TECTA: variants seen among roughly 807,000 people sequenced by gnomAD.
TECTA encodes the protein tectorin alpha.
TECTA carries 128 observed loss-of-function variants against 216.8 expected under a neutral mutation model. That is an observed-to-expected ratio of 0.59 (90% CI 0.51 to 0.68). TECTA has a LOEUF of 0.68. TECTA is among the 30% of genes least tolerant of loss of function. The probability of loss-of-function intolerance (pLI) is 0.00; values close to 1 mark genes in which losing one functional copy is unlikely to be tolerated. For synonymous variants in TECTA, 1,089 were observed against 1,117.1 expected (o/e 0.97, Z 0.50); for missense variants, 2,551 against 2,786.2 (o/e 0.92, Z 1.90).
Position 121,168,937 on chromosome 11 carries a change from C to T in TECTA, c.5999+12C>T. The T allele has an allele frequency of 6.2e-7, 1 of 1,614,028 alleles. No individual in the cohort carries two copies. The highest frequency in any genetic ancestry group is 8.5e-7 in the Non-Finnish European group (1 of 1,179,966). On this transcript the variant is annotated intron_variant, in intron 20 of 23. Transcript: ENST00000392793. The stretch of plus-strand genomic sequence containing the variant: ...ATCATTGAAGGAGGGTGAGTAGCCT[C>T]TTTATAGACAACATTCTCAGAGCTT...
intron 8 of TECTA, among the ~76,000 whole-genome samples, chr11:121,126,170 T>C (rs1946610483): frequency 6.6e-6 from 1 of 152,132 alleles, no homozygotes; most frequent in Non-Finnish European, 1.5e-5. Context: ...AGGAGGTGGG[T>C]TGTCCAGAGG....
At chr11:121,166,875 C>A in intron 18 of TECTA, 95 bp downstream of exon 18, 1 of 1,429,334 alleles carries the variant, frequency 7.0e-7, no homozygotes, top group East Asian at 2.3e-5. Context: ...TCAGGGTGAT[C>A]TGCTTAGAAA....
rs145476930 is a variant in TECTA, at chr11:121,133,684, C to T, written c.2941+3473C>T. 5.0e-3 allele frequency among the ~76,000 whole-genome samples: 755 copies of T among 152,334 alleles called. 6 individuals are homozygous for T. The highest frequency in any genetic ancestry group is 0.024 in the Middle Eastern group (7 of 294). On this transcript the variant is annotated intron_variant, in intron 10 of 23. Coordinates refer to ENST00000392793, the MANE Select transcript of TECTA (RefSeq NM_005422.4). ...GATGTTCCATCCTGAGGATCTTCAG[C>T]TGTGCATCTCCACTCAGCCTCCCGG... is the stretch of plus-strand genomic sequence containing the variant.
intron 20 of TECTA, among the ~76,000 whole-genome samples, chr11:121,169,684 AAC>A (rs1947091978): frequency 6.6e-6 from 1 of 152,168 alleles, no homozygotes; most frequent in South Asian, 2.1e-4. Flanking sequence ...CTAATTTTAG[AAC>A]ATTTTTGTCA....
intron 10 of TECTA, among the ~76,000 whole-genome samples, chr11:121,134,396 A>C (rs755430957): frequency 6.5e-4 from 97 of 149,818 alleles, no homozygotes; most frequent in Non-Finnish European, 1.1e-3. Context: ...GGGAAATCCA[A>C]GGAGCATGTG....
At chr11:121,108,753 A>G (rs1946415104) in intron 3 of TECTA, among the ~76,000 whole-genome samples, 1 of 147,506 alleles carries the variant, frequency 6.8e-6, no homozygotes, top group African/African-American at 2.5e-5. Flanking sequence ...ACCTCACCCC[A>G]GTACACACAC....
intron 11 of TECTA, among the ~76,000 whole-genome samples, chr11:121,139,959 A>G (rs968843857): frequency 6.6e-6 from 1 of 152,192 alleles, no homozygotes; most frequent in Non-Finnish European, 1.5e-5. Flanking sequence ...TGCTCGCATC[A>G]TATTTGTCCT....
intron 20 of TECTA, among the ~76,000 whole-genome samples, chr11:121,175,851 T>C (rs1314115763): frequency 2.6e-5 from 4 of 152,212 alleles, no homozygotes; most frequent in African/African-American, 9.6e-5. Context: ...ACTCAGGACT[T>C]GCTTTATGAA....
chr11:121,135,075 T>A (rs1946712923), intron 10 of TECTA, among the ~76,000 whole-genome samples: 1 of 152,192 alleles, frequency 6.6e-6, no homozygotes, highest in South Asian at 2.1e-4. Flanking sequence ...CTTGTGCACA[T>A]GGTTCTGGCG....
At chr11:121,160,464 G>A (rs1946988300) in intron 15 of TECTA, 43 bp downstream of exon 15, 1 of 1,600,604 alleles carries the variant, frequency 6.2e-7, no homozygotes, top group South Asian at 1.1e-5. Context: ...GGTGGCCCAA[G>A]TTCTCTCACG....
chr11:121,186,854 C>T (rs570913126), intron 20 of TECTA, among the ~76,000 whole-genome samples: 1 of 152,162 alleles, frequency 6.6e-6, no homozygotes, highest in Non-Finnish European at 1.5e-5. Context: ...CTTTTTAGCT[C>T]CTATGGGCCA....
intron 20 of TECTA, among the ~76,000 whole-genome samples, chr11:121,179,381 T>C (rs748600197): frequency 3.9e-5 from 6 of 152,200 alleles, no homozygotes; most frequent in Admixed American, 6.5e-5. Context: ...TTTTATTCCA[T>C]TGTGGTCTGA....
At chr11:121,139,106 G>A (rs867135292) in intron 11 of TECTA, among the ~76,000 whole-genome samples, 1 of 152,264 alleles carries the variant, frequency 6.6e-6, no homozygotes, top group African/African-American at 2.4e-5. Context: ...ATGTTTATTG[G>A]AAGTCTGCCT....
rs1946469351 is a variant in TECTA at position 121,113,800 on chromosome 11, A to G, written c.790+82A>G. 1.3e-6 allele frequency: 2 copies of G among 1,539,512 alleles called. No homozygotes were observed. The highest frequency in any genetic ancestry group is 2.7e-5 in the African/African-American group (2 of 73,480). On this transcript the variant is annotated intron_variant, in intron 6 of 23. Coordinates refer to ENST00000392793, the MANE Select transcript of TECTA (RefSeq NM_005422.4). The surrounding 1 kb of genome is among the most constrained non-coding windows in gnomAD (Gnocchi z 4.2). The stretch of plus-strand genomic sequence containing the variant: ...GCAAGCTTTTAAGCCACGGGGGCGG[A>G]CTCATTCCTGATGCCTTACTCTTTT...
At chr11:121,139,741 G>A (rs1447028273) in intron 11 of TECTA, among the ~76,000 whole-genome samples, 1 of 152,048 alleles carries the variant, frequency 6.6e-6, no homozygotes, top group African/African-American at 2.4e-5. Context: ...TTTCTTCCAG[G>A]GTTCCCATGA....
At chr11:121,184,578 G>A (rs752556229) in intron 20 of TECTA, among the ~76,000 whole-genome samples, 2 of 152,164 alleles carry the variant, frequency 1.3e-5, no homozygotes, top group African/African-American at 4.8e-5. Context: ...AGAGAAGAAG[G>A]GTGTGGTTCT....
Position 121,188,007 on chromosome 11 carries a change from G to T in TECTA, c.6162+13G>T. The T allele has an allele frequency of 6.2e-7, 1 of 1,614,124 alleles. No homozygotes were observed. Among genetic ancestry groups the T allele is most frequent in the Non-Finnish European group, 8.5e-7 (1 of 1,179,994 alleles). ...CTCCTGTAAAATCGTAAGTGAGAGT[G>T]TGAAAACAAAGTGCTTAGCCTTATT... On this transcript the variant is annotated intron_variant, in intron 21 of 23. Coordinates refer to ENST00000392793, the MANE Select transcript of TECTA (RefSeq NM_005422.4).
chr11:121,161,166 C>T (rs1422723812), intron 15 of TECTA, among the ~76,000 whole-genome samples: 1 of 152,166 alleles, frequency 6.6e-6, no homozygotes, highest in African/African-American at 2.4e-5. Flanking sequence ...CCCAAGTGGA[C>T]ACTGAACAAT....
chr11:121,176,254 C>T (rs1356904627), intron 20 of TECTA, among the ~76,000 whole-genome samples: 41 of 151,372 alleles, frequency 2.7e-4, no homozygotes, highest in African/African-American at 6.8e-4. Flanking sequence ...TTATTTTGCT[C>T]GTTAGTTGAT....
Sources: gnomAD v4.1 joint callset for allele counts (sites outside exome capture counted in the v4.1 genomes callset) on GRCh38, gnomAD v4.1.1 for gene constraint, Gnocchi (gnomAD v3.1) non-coding constraint, MANE v1.5 for transcripts, NCBI Gene and HGNC (gene_info 2026-07-23, HGNC 2026-07-21) for gene names.